NUP93: variants seen among roughly 807,000 people sequenced by gnomAD.
NUP93 encodes the protein nuclear pore complex protein Nup93.
A neutral mutation model predicts 107.8 loss-of-function variants in NUP93; 55 were observed. The observed-to-expected ratio is 0.51, with a 90% confidence interval of 0.41 to 0.64. The LOEUF is 0.64. Ranked by LOEUF, NUP93 falls within the 30% of genes least tolerant of loss-of-function variation. The pLI is 0.00. For synonymous variants in NUP93, 390 were observed against 397.5 expected (o/e 0.98, Z 0.22); for missense variants, 937 against 1,044.7 (o/e 0.90, Z 1.42).
At chr16:56,805,456 T>G (rs1431810989) in intron 4 of NUP93, 48 bp from the exon 5 acceptor site, 2 of 1,605,200 alleles carry the variant, frequency 1.2e-6, no homozygotes, top group African/African-American at 1.3e-5. Context: ...AACCATGTTT[T>G]TTTTGTTTTT....
intron 3 of NUP93, among the ~76,000 whole-genome samples, chr16:56,794,004 G>A (rs897026403): frequency 3.3e-5 from 5 of 151,894 alleles, no homozygotes; most frequent in South Asian, 2.1e-4. Context: ...GCAGTGAGCC[G>A]AGATCACGCC....
At chr16:56,822,564 C>CTTTTTTTTTTTTTTTTTT (rs56395453) in intron 7 of NUP93, among the ~76,000 whole-genome samples, 1 of 126,958 alleles carries the variant, frequency 7.9e-6, no homozygotes, top group Non-Finnish European at 1.6e-5. Flanking sequence ...CTTTTCTTTT[C>CTTTTTTTTTTTTTTTTTT]TTTTTTTTTT....
chr16:56,783,982 AGAGGTTCT>A (rs1226181416), intron 3 of NUP93: 1 of 752,418 alleles, frequency 1.3e-6, no homozygotes, highest in African/African-American at 1.9e-5. Flanking sequence ...AGTGTAACGC[AGAGGTTCT>A]GCGTTACACT....
At chr16:56,763,259 T>C (rs1488218916) in intron 3 of NUP93, among the ~76,000 whole-genome samples, 3 of 152,246 alleles carry the variant, frequency 2.0e-5, no homozygotes, top group Non-Finnish European at 2.9e-5. Flanking sequence ...CATTCTGCTT[T>C]GAGCCTTTGG....
At chr16:56,772,372 C>G (rs1962337996) in intron 3 of NUP93, among the ~76,000 whole-genome samples, 1 of 152,198 alleles carries the variant, frequency 6.6e-6, no homozygotes, top group South Asian at 2.1e-4. Context: ...TTCTTTATAC[C>G]TTGTCCTGTA....
chr16:56,835,155 C>T (rs1963884587), intron 16 of NUP93, among the ~76,000 whole-genome samples: 1 of 152,190 alleles, frequency 6.6e-6, no homozygotes, highest in African/African-American at 2.4e-5. Flanking sequence ...GTTAGACATG[C>T]ACTTGACCTC....
intron 1 of NUP93, among the ~76,000 whole-genome samples, chr16:56,739,656 G>A (rs1597099940): frequency 7.5e-6 from 1 of 132,756 alleles, no homozygotes; most frequent in Non-Finnish European, 1.6e-5. Flanking sequence ...GGACGGGGCG[G>A]CTGGCCGGGC....
At chr16:56,842,873 A>T (rs1288222073) in intron 21 of NUP93, among the ~76,000 whole-genome samples, 6 of 152,134 alleles carry the variant, frequency 3.9e-5, no homozygotes, top group African/African-American at 1.4e-4. Flanking sequence ...GTTTTTTAAA[A>T]TTACCTTTCC....
intron 5 of NUP93, among the ~76,000 whole-genome samples, chr16:56,809,793 T>C (rs1185889774): frequency 6.6e-6 from 1 of 152,212 alleles, no homozygotes; most frequent in Non-Finnish European, 1.5e-5. Flanking sequence ...GATGCCAAAG[T>C]CATTGTGTTG....
At chr16:56,843,877 G>T (rs1279825076) in intron 21 of NUP93, among the ~76,000 whole-genome samples, 1 of 152,084 alleles carries the variant, frequency 6.6e-6, no homozygotes, top group Non-Finnish European at 1.5e-5. Flanking sequence ...GTCCAGATTT[G>T]GTTTAAATTT....
chr16:56,738,123 A>C (rs1961641856), intron 1 of NUP93, among the ~76,000 whole-genome samples: 1 of 152,240 alleles, frequency 6.6e-6, no homozygotes, highest in Non-Finnish European at 1.5e-5. Context: ...CCGAATTAAA[A>C]CATCTCACAT....
intron 7 of NUP93, among the ~76,000 whole-genome samples, chr16:56,822,422 G>A (rs1431266395): frequency 6.6e-6 from 1 of 151,456 alleles, no homozygotes; most frequent in Non-Finnish European, 1.5e-5. Context: ...TGAGGTGGGA[G>A]GATTGCCTGA....
intron 8 of NUP93, among the ~76,000 whole-genome samples, chr16:56,825,294 C>G (rs1963636496): frequency 6.7e-6 from 1 of 148,310 alleles, no homozygotes; most frequent in Non-Finnish European, 1.5e-5. Context: ...TCTGTGCAAC[C>G]TCTGCCTCCC....
At chr16:56,807,700 T>C (rs912540073) in intron 5 of NUP93, among the ~76,000 whole-genome samples, 22 of 152,152 alleles carry the variant, frequency 1.4e-4, no homozygotes, top group African/African-American at 5.3e-4. Context: ...GAAATTTTTT[T>C]CCCTCTTTTT....
At chr16:56,824,509 A>C (rs1188399894) in intron 8 of NUP93, among the ~76,000 whole-genome samples, 1 of 152,158 alleles carries the variant, frequency 6.6e-6, no homozygotes, top group African/African-American at 2.4e-5. Flanking sequence ...GGTTGTCATG[A>C]GTGTGCAATA....
intron 1 of NUP93, among the ~76,000 whole-genome samples, chr16:56,732,245 G>A (rs1961547609): frequency 6.6e-6 from 1 of 152,196 alleles, no homozygotes; most frequent in African/African-American, 2.4e-5. Context: ...ATGTGAGTGA[G>A]GGGATTTTTA....
chr16:56,781,906 C>G (rs1962522268), intron 3 of NUP93: 1 of 985,202 alleles, frequency 1.0e-6, no homozygotes, highest in Admixed American at 6.1e-5. Flanking sequence ...AATGGTGATG[C>G]TGTGCTCCGG....
chr16:56,762,241 C>T (rs1340042726), intron 3 of NUP93, among the ~76,000 whole-genome samples: 2 of 152,086 alleles, frequency 1.3e-5, no homozygotes, highest in Non-Finnish European at 1.5e-5. Context: ...GTCATGGATA[C>T]GTGTATTATA....
chr16:56,801,383 G>T (rs1963018291), intron 4 of NUP93, among the ~76,000 whole-genome samples: 1 of 152,150 alleles, frequency 6.6e-6, no homozygotes. Flanking sequence ...TGGGGGTGAT[G>T]CAATTAAGGG....
Sources: gnomAD v4.1 joint callset for allele counts (sites outside exome capture counted in the v4.1 genomes callset) on GRCh38, gnomAD v4.1.1 for gene constraint, MANE v1.5 for transcripts, NCBI Gene and HGNC (gene_info 2026-07-23, HGNC 2026-07-21) for gene names.